The following DYM variants were observed in gnomAD, a reference collection of about 807,000 sequenced individuals.
DYM encodes the protein dyggve-Melchior-Clausen syndrome protein.
A neutral mutation model predicts 93.1 loss-of-function variants in DYM; 78 were observed. The ratio of observed to expected loss-of-function variants is 0.84; its 90% confidence interval spans 0.70 to 1.01. The LOEUF is 1.01. DYM is among the 50% of genes least tolerant of loss of function. The pLI, the probability that DYM is intolerant of heterozygous loss-of-function variation, is 0.00. For synonymous variants in DYM, 321 were observed against 319.7 expected, an observed-to-expected ratio of 1.00 and a Z score of -0.04; for missense variants, 789 against 845.0, an observed-to-expected ratio of 0.93 and a Z score of 0.82.
chr18:49,086,469 C>A (rs1053276896), intron 17 of DYM, among the ~76,000 whole-genome samples: 2 of 152,208 alleles, frequency 1.3e-5, no homozygotes, highest in Admixed American at 6.5e-5. Context: ...AAAGGCCCCA[C>A]CTCTCAATAC....
intron 10 of DYM, among the ~76,000 whole-genome samples, chr18:49,274,743 G>GT (rs1399234246): frequency 3.3e-5 from 5 of 152,134 alleles, no homozygotes; most frequent in Admixed American, 2.6e-4. Context: ...ATGTCAAGTT[G>GT]TTTTTTTCAT....
intron 6 of DYM, among the ~76,000 whole-genome samples, chr18:49,348,974 G>A (rs905064922): frequency 8.7e-5 from 13 of 150,036 alleles, no homozygotes; most frequent in East Asian, 2.0e-4. Context: ...TTGGGAGGCC[G>A]AAGTGGGCAG....
chr18:49,347,396 T>C (rs1044150735), intron 6 of DYM, among the ~76,000 whole-genome samples: 5 of 152,146 alleles, frequency 3.3e-5, no homozygotes, highest in Non-Finnish European at 7.3e-5. Flanking sequence ...GCCATAAATA[T>C]TAAAAACTGA....
intron 10 of DYM, 32 bp downstream of exon 10, chr18:49,281,965 C>T (rs754725278): frequency 1.3e-6 from 2 of 1,599,270 alleles, no homozygotes; most frequent in African/African-American, 1.3e-5. Flanking sequence ...AAAAAAAATA[C>T]AAACGCATGG....
At chr18:49,202,262 G>C (rs546914924) in intron 14 of DYM, among the ~76,000 whole-genome samples, 28 of 152,312 alleles carry the variant, frequency 1.8e-4, no homozygotes, top group African/African-American at 6.7e-4. Flanking sequence ...CGACCTTTTG[G>C]TCAGAGCAAC....
chr18:49,403,492 G>A (rs913457289), intron 2 of DYM, among the ~76,000 whole-genome samples: 2 of 152,172 alleles, frequency 1.3e-5, no homozygotes, highest in African/African-American at 4.8e-5. Context: ...AGGAATAGCA[G>A]GTAGTATTTC....
intron 13 of DYM, among the ~76,000 whole-genome samples, chr18:49,233,439 T>C (rs1382770743): frequency 6.6e-6 from 1 of 151,668 alleles, no homozygotes; most frequent in Admixed American, 6.6e-5. Context: ...TCAGATGAAA[T>C]AGCTTCTAGA....
In DYM at chr18:49,420,324, C is replaced by T. The variant is rs544200928; in HGVS notation, c.140+9931G>A. Among the ~76,000 whole-genome samples, 19 of 152,098 alleles carry T rather than the reference C, an allele frequency of 1.2e-4. No individual in the cohort carries two copies. In the South Asian group the frequency reaches 1.5e-3, roughly 12 times the overall value. ...CTGGGATTACAGGCGCCCGCCACCACGCCTGGCTAATTTTTTGTATTTTTA... is the reference window on the plus strand; with the variant it reads ...CTGGGATTACAGGCGCCCGCCACCATGCCTGGCTAATTTTTTGTATTTTTA... On this transcript the variant is annotated intron_variant, in intron 2 of 17. Transcript: ENST00000675505.
At chr18:49,070,429 C>A (rs1033119057) in intron 17 of DYM, among the ~76,000 whole-genome samples, 2 of 152,188 alleles carry the variant, frequency 1.3e-5, no homozygotes, top group Non-Finnish European at 2.9e-5. Context: ...CCTCCAGCAT[C>A]CCACCTGCCT....
chr18:49,435,828 T>C (rs537123063), intron 1 of DYM, among the ~76,000 whole-genome samples: 2 of 152,214 alleles, frequency 1.3e-5, no homozygotes, highest in East Asian at 1.9e-4. Context: ...AGAATCTACA[T>C]GTCCCAGAGA....
At chr18:49,453,052 G>C (rs947711260) in intron 1 of DYM, among the ~76,000 whole-genome samples, 1 of 133,468 alleles carries the variant, frequency 7.5e-6, no homozygotes, top group African/African-American at 3.0e-5. Context: ...TCAGCACTCT[G>C]TGTCTAGCTC....
At position 49,292,624 on chromosome 18, in the gene DYM, A is replaced by AAAAAAAAAC. The variant is rs1568189068; in HGVS notation, c.764-6009_764-6008insGTTTTTTTT. ...AAAAAAAAAAAAAAAAAAAAAAAAAAACCCCCACAAAAACCTGTCCACCAG... is the reference window on the plus strand; with the variant it reads ...AAAAAAAAAAAAAAAAAAAAAAAAAAAAAAAAAACACCCCCACAAAAACCTGTCCACCAG... On this transcript the variant is annotated intron_variant, in intron 8 of 17. Coordinates refer to ENST00000675505, the MANE Select transcript of DYM (RefSeq NM_001353214.3). 4.9e-4 allele frequency among the ~76,000 whole-genome samples: 32 copies of AAAAAAAAAC among 65,046 alleles called. 3 individuals carry two copies. The highest frequency in any genetic ancestry group is 4.3e-3 in the South Asian group (8 of 1,872). The allele number at this position is 65,046 out of a possible 152,430, so 42.7% of individuals were successfully genotyped here.
intron 14 of DYM, among the ~76,000 whole-genome samples, chr18:49,171,786 C>T (rs1202373876): frequency 2.0e-5 from 3 of 152,146 alleles, no homozygotes; most frequent in South Asian, 4.1e-4. Flanking sequence ...CTGTGCTCTC[C>T]CTGCTTCTGA....
chr18:49,189,592 A>G (rs2090776421), intron 14 of DYM, among the ~76,000 whole-genome samples: 1 of 152,240 alleles, frequency 6.6e-6, no homozygotes, highest in South Asian at 2.1e-4. Context: ...CAAATAACCC[A>G]AAAGTCACAG....
chr18:49,458,366 C>T lies in DYM; in HGVS notation c.-54+2032G>A, dbSNP rs1325166996. On this transcript the variant is annotated intron_variant, in intron 1 of 17. Coordinates refer to ENST00000675505, the MANE Select transcript of DYM (RefSeq NM_001353214.3). Reference sequence around the variant, plus strand: ...AAAGGAACAATCAGGATGGCAGGATCTAATGGAAAAATCAGGAGATAATTA... The same window carrying T: ...AAAGGAACAATCAGGATGGCAGGATTTAATGGAAAAATCAGGAGATAATTA... Among the ~76,000 whole-genome samples the T allele has an allele frequency of 6.6e-5, 10 of 152,060 alleles. No individual in the cohort carries two copies. In the East Asian group the frequency reaches 1.9e-3, roughly 29 times the overall value.
chr18:49,305,160 A>C (rs898614094), intron 8 of DYM, among the ~76,000 whole-genome samples: 12 of 152,088 alleles, frequency 7.9e-5, no homozygotes, highest in African/African-American at 2.9e-4. Context: ...TTCAGTACTG[A>C]AATCACTTTC....
At chr18:49,374,430 G>T (rs904373581) in intron 5 of DYM, among the ~76,000 whole-genome samples, 5 of 152,204 alleles carry the variant, frequency 3.3e-5, no homozygotes, top group Admixed American at 1.3e-4. Context: ...CTTAGTGACT[G>T]AGAAAGAGAC....
At chr18:49,153,652 A>T (rs1274816919) in intron 15 of DYM, among the ~76,000 whole-genome samples, 1 of 152,230 alleles carries the variant, frequency 6.6e-6, no homozygotes, top group Non-Finnish European at 1.5e-5. Flanking sequence ...AGAATAAAAC[A>T]AGGATCCATG....
intron 15 of DYM, among the ~76,000 whole-genome samples, chr18:49,120,039 A>T (rs187765464): frequency 5.3e-4 from 78 of 147,710 alleles, no homozygotes; most frequent in Non-Finnish European, 5.2e-4. Context: ...AGATTGCTCC[A>T]CTGCATTCCA....
Sources: gnomAD v4.1 joint callset for allele counts (sites outside exome capture counted in the v4.1 genomes callset) on GRCh38, gnomAD v4.1.1 for gene constraint, MANE v1.5 for transcripts, NCBI Gene and HGNC (gene_info 2026-07-23, HGNC 2026-07-21) for gene names.